CDH11: variants seen among roughly 807,000 people sequenced by gnomAD.
The protein encoded by CDH11 is cadherin-11.
In CDH11, 11 loss-of-function variants were observed where a neutral mutation model predicts 67.8. The ratio of observed to expected loss-of-function variants is 0.16; its 90% CI spans 0.10 to 0.27. The LOEUF is 0.27. Ranked by LOEUF, CDH11 falls within the 10% of genes least tolerant of loss-of-function variation. The pLI, the probability that CDH11 is intolerant of heterozygous loss-of-function variation, is 1.00. For missense variants in CDH11, 847 were observed against 1,031.2 expected, an observed-to-expected ratio of 0.82 and a Z score of 2.45; for synonymous variants, 419 against 400.0, an observed-to-expected ratio of 1.05 and a Z score of -0.57.
At chr16:64,964,843 C>T (rs2071768345) in intron 11 of CDH11, among the ~76,000 whole-genome samples, 1 of 152,004 alleles carries the variant, frequency 6.6e-6, no homozygotes, top group Non-Finnish European at 1.5e-5. Flanking sequence ...CCACTGCGCC[C>T]AGCCCTGTAG....
At chr16:65,041,829 C>T (rs978827554) in intron 2 of CDH11, among the ~76,000 whole-genome samples, 2 of 152,182 alleles carry the variant, frequency 1.3e-5, no homozygotes, top group African/African-American at 4.8e-5. Context: ...CGGAGCAGGC[C>T]CAAAAGGCCC....
chr16:65,064,628 A>G (rs764154955), intron 1 of CDH11, among the ~76,000 whole-genome samples: 2 of 152,064 alleles, frequency 1.3e-5, no homozygotes, highest in Non-Finnish European at 2.9e-5. Flanking sequence ...TCCTAAACAA[A>G]CCTTTTTTTA....
intron 8 of CDH11, among the ~76,000 whole-genome samples, chr16:64,974,789 T>C (rs1168354641): frequency 1.3e-5 from 2 of 152,210 alleles, no homozygotes; most frequent in Admixed American, 1.3e-4. Flanking sequence ...CACTATTTAG[T>C]TGACATGACA....
intron 4 of CDH11, among the ~76,000 whole-genome samples, chr16:64,996,427 T>A (rs1367332870): frequency 6.6e-6 from 1 of 150,978 alleles, no homozygotes; most frequent in Admixed American, 6.6e-5. Flanking sequence ...GAGGCAGAGA[T>A]TGCAGTGAGC....
chr16:64,972,877 A>G, intron 9 of CDH11, 27 bp downstream of exon 9: 1 of 1,611,088 alleles, frequency 6.2e-7, no homozygotes, highest in Non-Finnish European at 8.5e-7. Flanking sequence ...GGTAAAGTAG[A>G]ATCAAAACCA....
rs182685103 is a variant in CDH11, at chr16:65,114,557, C to T, written c.-298+7323G>A. ...AGACTAGATGAGGTACCGAGTAGAG[C>T]GTCCGGCACACAGTAGGATCTCAAA... On this transcript the variant is annotated intron_variant, in intron 1 of 12. Coordinates refer to ENST00000268603, the MANE Select transcript of CDH11 (RefSeq NM_001797.4). Among the ~76,000 whole-genome samples, 3 of 152,158 alleles carry T rather than the reference C, an allele frequency of 2.0e-5. 1 individual carries two copies. The highest frequency in any genetic ancestry group is 4.2e-4 in the South Asian group (2 of 4,782).
At chr16:64,964,950 GGTTT>G (rs1478102024) in intron 11 of CDH11, among the ~76,000 whole-genome samples, 1 of 151,922 alleles carries the variant, frequency 6.6e-6, no homozygotes, top group Admixed American at 6.6e-5. Context: ...ACAACGTGCA[GGTTT>G]GTTACATATG....
intron 4 of CDH11, among the ~76,000 whole-genome samples, chr16:64,995,874 T>C (rs1285645918): frequency 1.3e-5 from 2 of 152,152 alleles, no homozygotes; most frequent in East Asian, 1.9e-4. Context: ...ATCCAGAATC[T>C]ATAAGGAATT....
intron 1 of CDH11, among the ~76,000 whole-genome samples, chr16:65,096,711 G>A (rs2074903507): frequency 6.6e-6 from 1 of 151,268 alleles, no homozygotes; most frequent in South Asian, 2.1e-4. Context: ...TATTTGGGGT[G>A]TGTGTGTGTG....
At chr16:65,118,700 T>G (rs971355190) in intron 1 of CDH11, 1 of 152,176 alleles carries the variant, frequency 6.6e-6, no homozygotes, top group African/African-American at 2.4e-5. Flanking sequence ...AAAAAAAACT[T>G]GAAAGTTCAT....
chr16:65,097,855 G>T (rs769530990), intron 1 of CDH11, among the ~76,000 whole-genome samples: 1 of 152,046 alleles, frequency 6.6e-6, no homozygotes, highest in Non-Finnish European at 1.5e-5. Flanking sequence ...TTAAAAATAA[G>T]AGGAAATTCA....
chr16:64,949,839 G>A (rs2071308632), intron 12 of CDH11, among the ~76,000 whole-genome samples: 2 of 152,164 alleles, frequency 1.3e-5, no homozygotes, highest in Admixed American at 6.5e-5. Flanking sequence ...TGAACCTGTC[G>A]AGCACAGAGA....
chr16:65,116,659 T>A (rs1220835081), intron 1 of CDH11, among the ~76,000 whole-genome samples: 1 of 152,168 alleles, frequency 6.6e-6, no homozygotes, highest in Non-Finnish European at 1.5e-5. Flanking sequence ...AAACACAGAA[T>A]AAGACCTTGG....
chr16:64,948,643 T>C (rs1327763475), intron 12 of CDH11: 2 of 1,611,764 alleles, frequency 1.2e-6, no homozygotes, highest in African/African-American at 1.3e-5. Context: ...AGCCACCACA[T>C]AGAGGAAAGG....
intron 1 of CDH11, among the ~76,000 whole-genome samples, chr16:65,093,083 T>G (rs1016735401): frequency 1.3e-5 from 2 of 151,812 alleles, no homozygotes; most frequent in Non-Finnish European, 2.9e-5. Context: ...TTTACAGGCA[T>G]GTGCCACCAC....
intron 2 of CDH11, among the ~76,000 whole-genome samples, chr16:65,012,245 C>T (rs1357094312): frequency 6.6e-6 from 1 of 152,160 alleles, no homozygotes; most frequent in Non-Finnish European, 1.5e-5. Flanking sequence ...CTTCCATATC[C>T]ACAACTTCCA....
At chr16:65,051,158 A>C (rs2074049708) in intron 2 of CDH11, among the ~76,000 whole-genome samples, 1 of 152,152 alleles carries the variant, frequency 6.6e-6, no homozygotes, top group Non-Finnish European at 1.5e-5. Flanking sequence ...TTTTGCTTCT[A>C]GGATAAGCGT....
intron 1 of CDH11, among the ~76,000 whole-genome samples, chr16:65,054,439 C>T (rs965154851): frequency 1.5e-4 from 23 of 152,164 alleles, no homozygotes; most frequent in Non-Finnish European, 1.6e-4. Context: ...CCCACTCCAG[C>T]AGACCAGAGC....
chr16:64,972,874 T>C, intron 9 of CDH11, 30 bp downstream of exon 9: 4 of 1,610,822 alleles, frequency 2.5e-6, no homozygotes, highest in Non-Finnish European at 2.5e-6. Context: ...CTTGGTAAAG[T>C]AGAATCAAAA....
Sources: gnomAD v4.1 joint callset for allele counts (sites outside exome capture counted in the v4.1 genomes callset) on GRCh38, gnomAD v4.1.1 for gene constraint, MANE v1.5 for transcripts, NCBI Gene and HGNC (gene_info 2026-07-23, HGNC 2026-07-21) for gene names.